Variants in PCDH9 observed in about 807,000 individuals in gnomAD.
PCDH9 encodes protocadherin 9.
PCDH9 carries 24 observed loss-of-function variants against 70.6 expected under a neutral mutation model. The observed-to-expected ratio is 0.34, with a 90% CI of 0.25 to 0.48. The LOEUF (loss-of-function observed/expected upper bound fraction) is 0.48, where lower values mean the gene tolerates loss of function less well. PCDH9 is among the 20% of genes least tolerant of loss of function. The pLI is 0.99. For synonymous variants in PCDH9, 562 were observed against 558.5 expected, an observed-to-expected ratio of 1.01 and a Z score of -0.09; for missense variants, 1,281 against 1,503.6, an observed-to-expected ratio of 0.85 and a Z score of 2.45.
chr13:66,940,122 G>A (rs2082984075), intron 2 of PCDH9, among the ~76,000 whole-genome samples: 1 of 152,108 alleles, frequency 6.6e-6, no homozygotes, highest in Non-Finnish European at 1.5e-5. Flanking sequence ...GCTTTAGTCT[G>A]TGTGAAACTT....
chr13:67,033,733 T>A (rs751375956), intron 2 of PCDH9, among the ~76,000 whole-genome samples: 3 of 152,214 alleles, frequency 2.0e-5, no homozygotes, highest in African/African-American at 7.2e-5. Flanking sequence ...TATGAGCTTA[T>A]TAAGTGTCTT....
At chr13:66,898,520 T>C (rs2082221869) in intron 3 of PCDH9, among the ~76,000 whole-genome samples, 1 of 152,022 alleles carries the variant, frequency 6.6e-6, no homozygotes, top group Non-Finnish European at 1.5e-5. Flanking sequence ...ACATATTTAT[T>C]TGTGTGCTTG....
chr13:66,531,800 T>C (rs76576824), intron 4 of PCDH9, among the ~76,000 whole-genome samples: 6,886 of 152,220 alleles, frequency 0.045, 210 homozygotes, highest in South Asian at 0.11. Context: ...GTTCATTAGA[T>C]TTTAAGGTAG....
At chr13:66,501,643 T>G (rs148627188) in intron 4 of PCDH9, among the ~76,000 whole-genome samples, 1,719 of 152,180 alleles carry the variant, frequency 0.011, 17 homozygotes, top group Non-Finnish European at 0.016. Flanking sequence ...AGCAGTAATT[T>G]TACCAGTAAA....
chr13:67,026,555 T>G (rs1226291516), intron 2 of PCDH9, among the ~76,000 whole-genome samples: 1 of 152,176 alleles, frequency 6.6e-6, no homozygotes, highest in East Asian at 1.9e-4. Flanking sequence ...TGTTGGAAGT[T>G]CTGGCCAGGG....
chr13:67,169,516 A>G (rs1207343492), intron 2 of PCDH9, among the ~76,000 whole-genome samples: 2 of 152,356 alleles, frequency 1.3e-5, no homozygotes, highest in Admixed American at 6.5e-5. Flanking sequence ...AGAATCTTAC[A>G]GCAGATTCTG....
chr13:66,529,969 C>A (rs1338414674), intron 4 of PCDH9, among the ~76,000 whole-genome samples: 1 of 151,690 alleles, frequency 6.6e-6, no homozygotes, highest in East Asian at 1.9e-4. Context: ...GAATTATAAT[C>A]ATAAATACAC....
chr13:66,754,419 A>AT (rs1436700479), intron 3 of PCDH9, among the ~76,000 whole-genome samples: 1 of 151,626 alleles, frequency 6.6e-6, no homozygotes, highest in Non-Finnish European at 1.5e-5. Flanking sequence ...ATAAAACCTT[A>AT]TTTTTTAAAA....
At chr13:66,657,408 G>A (rs1056423431) in intron 3 of PCDH9, among the ~76,000 whole-genome samples, 2 of 152,162 alleles carry the variant, frequency 1.3e-5, no homozygotes, top group Admixed American at 6.5e-5. Context: ...TCATTGCTAT[G>A]ATCTCAAGCA....
chr13:66,569,553 C>T (rs1251957743), intron 4 of PCDH9, among the ~76,000 whole-genome samples: 2 of 152,080 alleles, frequency 1.3e-5, no homozygotes, highest in African/African-American at 2.4e-5. Context: ...ACATTATATG[C>T]TGTTTTTCCT....
chr13:66,692,348 G>T (rs373023939), intron 3 of PCDH9, among the ~76,000 whole-genome samples: 1 of 151,982 alleles, frequency 6.6e-6, no homozygotes, highest in Non-Finnish European at 1.5e-5. Context: ...CATCATATTT[G>T]GTTTTGAAGA....
At chr13:66,962,336 A>G (rs910305166) in intron 2 of PCDH9, among the ~76,000 whole-genome samples, 12 of 152,232 alleles carry the variant, frequency 7.9e-5, no homozygotes, top group African/African-American at 2.7e-4. Flanking sequence ...GCAAAACTGA[A>G]TGAGTTAGAA....
chr13:66,875,235 A>G (rs1290305625), intron 3 of PCDH9, among the ~76,000 whole-genome samples: 1 of 152,174 alleles, frequency 6.6e-6, no homozygotes, highest in Non-Finnish European at 1.5e-5. Flanking sequence ...ATTCAAACAC[A>G]TGGCTCATAA....
intron 2 of PCDH9, among the ~76,000 whole-genome samples, chr13:67,064,891 A>ATAGATAGATAGATAG (rs1491329996): frequency 6.7e-6 from 1 of 148,858 alleles, no homozygotes; most frequent in African/African-American, 2.5e-5. Context: ...CCTGTGTGGA[A>ATAGATAGATAGATAG]ATAGATAGAT....
chr13:66,845,087 A>G (rs1362943585), intron 3 of PCDH9, among the ~76,000 whole-genome samples: 1 of 152,136 alleles, frequency 6.6e-6, no homozygotes, highest in Non-Finnish European at 1.5e-5. Flanking sequence ...TTCTCACTCC[A>G]GTCTGCAGCC....
intron 3 of PCDH9, among the ~76,000 whole-genome samples, chr13:66,673,179 G>T (rs553415028): frequency 6.6e-6 from 1 of 152,088 alleles, no homozygotes; most frequent in Non-Finnish European, 1.5e-5. Flanking sequence ...CCTGGTGGAC[G>T]GTAATTGAAT....
At chr13:66,884,191 C>T (rs2081969974) in intron 3 of PCDH9, among the ~76,000 whole-genome samples, 1 of 152,064 alleles carries the variant, frequency 6.6e-6, no homozygotes, top group Non-Finnish European at 1.5e-5. Context: ...AGCCACCGTG[C>T]CTGGCCACTT....
intron 3 of PCDH9, among the ~76,000 whole-genome samples, chr13:66,636,103 T>C (rs1050674044): frequency 6.6e-6 from 1 of 152,148 alleles, no homozygotes; most frequent in Non-Finnish European, 1.5e-5. Flanking sequence ...CTGCATAAGC[T>C]AATTTCCAAC....
chr13:67,153,564 C>A (rs1246470132), intron 2 of PCDH9, among the ~76,000 whole-genome samples: 1 of 152,168 alleles, frequency 6.6e-6, no homozygotes, highest in Admixed American at 6.5e-5. Context: ...GAGCCTCTCA[C>A]CTAGAAACGT....
Sources: allele counts gnomAD v4.1 joint callset (sites outside exome capture counted in the v4.1 genomes callset), GRCh38; gene constraint gnomAD v4.1.1; transcripts MANE v1.5; gene names NCBI Gene and HGNC (gene_info 2026-07-23, HGNC 2026-07-21).